CLYBL: variants seen among roughly 807,000 people sequenced by gnomAD.
The protein encoded by CLYBL is citramalyl-CoA lyase.
Under a neutral mutation model 38.9 loss-of-function variants are expected in CLYBL, and 31 were observed. The ratio of observed to expected loss-of-function variants is 0.80; its 90% CI spans 0.60 to 1.08. The LOEUF (loss-of-function observed/expected upper bound fraction) is 1.08. Among genes scored for constraint, CLYBL ranks in the 50% least tolerant of loss-of-function variants. The probability of loss-of-function intolerance (pLI) is 0.00; values close to 1 mark genes in which losing one functional copy is unlikely to be tolerated. For synonymous variants in CLYBL, 171 were observed against 158.6 expected (o/e 1.08, Z -0.59); for missense variants, 434 against 411.6 (o/e 1.05, Z -0.47).
At chr13:99,649,562 T>G (rs1479365576) in intron 1 of CLYBL, among the ~76,000 whole-genome samples, 1 of 152,222 alleles carries the variant, frequency 6.6e-6, no homozygotes, top group East Asian at 1.9e-4. Flanking sequence ...GGAGGACTTA[T>G]GTGTTAAATG....
rs180719633 is a variant in CLYBL at position 99,904,647 on chromosome 13, C to T, written c.*25-623C>T. ...AAATGTGTGGCCTCTAAAATGGCAG[C>T]GTCGTGCTTCAAACTAATATTCCAT... is the stretch of plus-strand genomic sequence containing the variant. On this transcript the variant is annotated intron_variant and NMD_transcript_variant, in intron 8 of 9. Coordinates refer to the CLYBL transcript ENST00000689673. 1.2e-3 allele frequency among the ~76,000 whole-genome samples: 173 copies of T among 146,616 alleles called. 2 individuals carry two copies. Among genetic ancestry groups the T allele is most frequent in the African/African-American group, 3.7e-3 (138 of 37,774 alleles).
intron 1 of CLYBL, among the ~76,000 whole-genome samples, chr13:99,754,295 A>T (rs1182082135): frequency 1.3e-5 from 2 of 151,322 alleles, no homozygotes; most frequent in Admixed American, 1.3e-4. Flanking sequence ...CAGTAGTATC[A>T]GGTAATCACT....
intron 1 of CLYBL, among the ~76,000 whole-genome samples, chr13:99,761,988 C>G (rs1160818705): frequency 2.0e-5 from 3 of 152,096 alleles, no homozygotes; most frequent in South Asian, 2.1e-4. Context: ...CTGTTCAGAC[C>G]TTTTGTCTGT....
chr13:99,790,015 G>A (rs1811738613), intron 2 of CLYBL, among the ~76,000 whole-genome samples: 1 of 152,026 alleles, frequency 6.6e-6, no homozygotes, highest in Admixed American at 6.6e-5. Flanking sequence ...GACTAGGATT[G>A]CAACCCCTGC....
chr13:99,812,694 C>T (rs899576816), intron 2 of CLYBL, among the ~76,000 whole-genome samples: 4 of 152,192 alleles, frequency 2.6e-5, no homozygotes, highest in Non-Finnish European at 4.4e-5. Context: ...AAAGGAAAAG[C>T]GTAATCACGT....
intron 4 of CLYBL, among the ~76,000 whole-genome samples, chr13:99,864,255 C>T (rs1033217646): frequency 8.5e-5 from 13 of 152,174 alleles, no homozygotes; most frequent in African/African-American, 2.9e-4. Context: ...TCAAGATTCA[C>T]GGTTATGTCT....
chr13:99,841,313 C>A (rs1327104948), intron 2 of CLYBL, among the ~76,000 whole-genome samples: 2 of 152,122 alleles, frequency 1.3e-5, no homozygotes. Context: ...AAAAGTAATA[C>A]GTTTTCCTCA....
At chr13:99,627,395 T>C (rs1330226069) in intron 1 of CLYBL, among the ~76,000 whole-genome samples, 1 of 152,192 alleles carries the variant, frequency 6.6e-6, no homozygotes. Flanking sequence ...ATATCCTTAG[T>C]TGTTGGTGCT....
intron 1 of CLYBL, among the ~76,000 whole-genome samples, chr13:99,646,477 C>T (rs891146863): frequency 6.6e-6 from 1 of 150,432 alleles, no homozygotes; most frequent in African/African-American, 2.4e-5. Context: ...GGTCAGGTTC[C>T]TCTGACTATA....
At chr13:99,880,643 C>T (rs1372226717) in intron 7 of CLYBL, among the ~76,000 whole-genome samples, 1 of 152,228 alleles carries the variant, frequency 6.6e-6, no homozygotes, top group Non-Finnish European at 1.5e-5. Flanking sequence ...CCACAGGCTA[C>T]TGAGAGCCAC....
chr13:99,775,518 A>G (rs777591966), intron 2 of CLYBL, among the ~76,000 whole-genome samples: 3 of 152,120 alleles, frequency 2.0e-5, no homozygotes, highest in Non-Finnish European at 4.4e-5. Flanking sequence ...CTAAAATTTC[A>G]TTAAAAAAAT....
chr13:99,759,997 A>G (rs890073801), intron 1 of CLYBL, among the ~76,000 whole-genome samples: 1 of 152,070 alleles, frequency 6.6e-6, no homozygotes, highest in African/African-American at 2.4e-5. Flanking sequence ...TACCGGTTCA[A>G]TCTCCTTACT....
At chr13:99,624,639 G>A (rs2046843640) in intron 1 of CLYBL, among the ~76,000 whole-genome samples, 2 of 152,138 alleles carry the variant, frequency 1.3e-5, no homozygotes, top group Non-Finnish European at 2.9e-5. Flanking sequence ...TGGGCAGAGG[G>A]GAAACCTCAA....
In CLYBL at chr13:99,866,362, G is replaced by C; in HGVS notation, c.757G>C (p.Gly253Arg). ...GTACATTGACTTTCGAGATGGAGCT[G>C]GGCTGCTTAGACAGTCACGAGAAGG... is the stretch of plus-strand genomic sequence containing the variant. ...LVYIDFRDGA[G>R]LLRQSREGAA... Residue 253 changes from glycine (G) to arginine (R), a missense_variant, in exon 6 of 9, where the codon GGG (glycine) becomes CGG (arginine). Gly to Arg is a moderately radical substitution (Grantham distance 125). Transcript: ENST00000339105. 1 of 1,614,118 alleles carries C rather than the reference G, an allele frequency of 6.2e-7. No homozygotes were observed. Among genetic ancestry groups the C allele is most frequent in the Non-Finnish European group, 8.5e-7 (1 of 1,180,006 alleles).
In CLYBL at chr13:99,846,286, A is replaced by ATTT. The variant is rs5806139; in HGVS notation, c.250-12554_250-12552dup. On this transcript the variant is annotated intron_variant, in intron 2 of 8. Coordinates refer to ENST00000339105, the MANE Select transcript of CLYBL (RefSeq NM_206808.5). ...CAATATTACCAAATATTGTGTGGAG[A>ATTT]TTTTTTTTTTTTTTTTTTTTTTTGA... 7.8e-3 allele frequency among the ~76,000 whole-genome samples: 846 copies of ATTT among 108,028 alleles called. 12 individuals carry two copies. Among genetic ancestry groups the ATTT allele is most frequent in the Non-Finnish European group, 0.012 (623 of 53,828 alleles). 70.9% of individuals were successfully genotyped at this position (108,028 alleles called of 152,430 possible). A position where few individuals can be genotyped will look rare whatever the true frequency, so the allele number is the denominator to read the frequency against.
chr13:99,777,191 C>T lies in CLYBL; in HGVS notation c.249+4181C>T, dbSNP rs548760900. Among the ~76,000 whole-genome samples, 8 of 151,932 alleles carry T rather than the reference C, an allele frequency of 5.3e-5. No individual in the cohort carries two copies. The South Asian group carries it at 8.3e-4, about 16-fold the overall frequency. On this transcript the variant is annotated intron_variant, in intron 2 of 8. Coordinates refer to ENST00000339105, the MANE Select transcript of CLYBL (RefSeq NM_206808.5). Reference sequence around the variant, plus strand: ...CCCAGCCCCCACGCCCAACCCAGTTCGTGAATTATACCATGAATGTGCTTA... The same window carrying T: ...CCCAGCCCCCACGCCCAACCCAGTTTGTGAATTATACCATGAATGTGCTTA...
chr13:99,637,046 AT>A (rs1225766422), intron 1 of CLYBL, among the ~76,000 whole-genome samples: 1 of 152,206 alleles, frequency 6.6e-6, no homozygotes, highest in East Asian at 1.9e-4. Context: ...TGCCTGGCTA[AT>A]TTTTTTATTT....
At position 99,606,770 on chromosome 13, in the gene CLYBL, C is replaced by T. The variant is rs1254055206; in HGVS notation, c.62+13C>T. 4 of 1,414,174 alleles carry T rather than the reference C, an allele frequency of 2.8e-6. No individual in the cohort carries two copies. Among genetic ancestry groups the T allele is most frequent in the East Asian group, 3.0e-5 (1 of 32,916 alleles). The allele number at this position is 1,414,174 out of a possible 1,614,324, so 87.6% of individuals were successfully genotyped here. A position where few individuals can be genotyped will look rare whatever the true frequency, so the allele number is the denominator to read the frequency against. On this transcript the variant is annotated intron_variant, in intron 1 of 8. Coordinates refer to ENST00000339105, the MANE Select transcript of CLYBL (RefSeq NM_206808.5). ...CGCTGCTGAGGCTGTGAGTGCAGGT[C>T]CCCGTTCCCCGCCTTCCCGGCCCGG...
chr13:99,837,664 A>G (rs2139105973), intron 2 of CLYBL, among the ~76,000 whole-genome samples: 1 of 152,076 alleles, frequency 6.6e-6, no homozygotes, highest in South Asian at 2.1e-4. Context: ...GGGGCTGCTG[A>G]GTTCCTCTTC....
Sources: allele counts gnomAD v4.1 joint callset (sites outside exome capture counted in the v4.1 genomes callset), GRCh38; gene constraint gnomAD v4.1.1; transcripts MANE v1.5; gene names NCBI Gene and HGNC (gene_info 2026-07-23, HGNC 2026-07-21).